The following ZFHX3 variants were observed in gnomAD, a reference collection of about 807,000 sequenced individuals.
The protein encoded by ZFHX3 is zinc finger homeobox protein 3.
ZFHX3 carries 42 observed loss-of-function variants against 279.1 expected under a neutral mutation model. The ratio of observed to expected loss-of-function variants is 0.15; its 90% CI spans 0.12 to 0.19. The LOEUF is 0.19. Ranked by LOEUF, ZFHX3 falls within the 10% of genes least tolerant of loss-of-function variation. The pLI is 1.00. For missense variants in ZFHX3, 4,981 were observed against 4,754.0 expected (o/e 1.05, Z -1.40); for synonymous variants, 2,293 against 1,957.8 (o/e 1.17, Z -4.52).
intron 1 of ZFHX3, among the ~76,000 whole-genome samples, chr16:73,007,115 A>C (rs781233955): frequency 5.9e-5 from 9 of 152,236 alleles, no homozygotes; most frequent in Non-Finnish European, 1.2e-4. Flanking sequence ...AAGAGAAGAC[A>C]TTCTGATATT....
chr16:73,241,738 C>A (rs1234390613), intron 5 of ZFHX3, among the ~76,000 whole-genome samples: 1 of 125,398 alleles, frequency 8.0e-6, no homozygotes, highest in Non-Finnish European at 1.5e-5. Flanking sequence ...TGCGGTGAAG[C>A]AAGATCGTGC....
intron 1 of ZFHX3, among the ~76,000 whole-genome samples, chr16:73,718,850 G>A (rs1356335418): frequency 6.6e-6 from 1 of 151,968 alleles, no homozygotes; most frequent in Non-Finnish European, 1.5e-5. Flanking sequence ...TCCTGACCTC[G>A]TGATCTGCCC....
chr16:73,052,484 C>A (rs1299659183), upstream of ZFHX3, among the ~76,000 whole-genome samples: 1 of 152,072 alleles, frequency 6.6e-6, no homozygotes, highest in Non-Finnish European at 1.5e-5. Flanking sequence ...ATTTTCCTAT[C>A]TTTTCATTTT....
chr16:73,778,264 C>A (rs1202298444), intron 1 of ZFHX3, among the ~76,000 whole-genome samples: 135 of 60,364 alleles, frequency 2.2e-3, no homozygotes, highest in African/African-American at 4.2e-3. Flanking sequence ...AAAAAAAAAG[C>A]ATTGGACTTC....
chr16:73,318,945 C>T (rs765168685), intron 3 of ZFHX3, among the ~76,000 whole-genome samples: 3 of 152,142 alleles, frequency 2.0e-5, no homozygotes, highest in Non-Finnish European at 4.4e-5. Context: ...CCAACTGGCC[C>T]TTCTTGCTTG....
intron 3 of ZFHX3, among the ~76,000 whole-genome samples, chr16:73,385,244 A>G (rs562912463): frequency 2.6e-5 from 4 of 152,312 alleles, no homozygotes; most frequent in African/African-American, 9.6e-5. Flanking sequence ...TCTGCCATTT[A>G]GAGTTCCAAT....
At chr16:73,375,418 A>C (rs1325432060) in intron 3 of ZFHX3, among the ~76,000 whole-genome samples, 1 of 152,172 alleles carries the variant, frequency 6.6e-6, no homozygotes, top group Non-Finnish European at 1.5e-5. Context: ...TTTTAGTGAG[A>C]AGCAGTATTT....
intron 8 of ZFHX3, 75 bp from the exon 9 acceptor site, chr16:72,798,789 T>A: frequency 6.7e-7 from 1 of 1,489,250 alleles, no homozygotes; most frequent in Admixed American, 2.4e-5. Flanking sequence ...CAGAGCGGTC[T>A]ACCTAGTCAG....
At chr16:72,878,480 C>T (rs2038376465) in intron 4 of ZFHX3, among the ~76,000 whole-genome samples, 1 of 152,220 alleles carries the variant, frequency 6.6e-6, no homozygotes, top group Admixed American at 6.5e-5. Flanking sequence ...AAGGAAGTCA[C>T]AAAGGGCTTT....
chr16:73,675,665 A>C (rs1034098394), intron 2 of ZFHX3, among the ~76,000 whole-genome samples: 1 of 152,170 alleles, frequency 6.6e-6, no homozygotes, highest in African/African-American at 2.4e-5. Flanking sequence ...AACAGATGAA[A>C]ATACTTATCA....
rs190100998 is a variant in ZFHX3 at position 73,374,984 on chromosome 16, G to C, written c.-1290-56648C>G. Among the ~76,000 whole-genome samples the C allele has an allele frequency of 4.5e-3, 690 of 152,306 alleles. 7 individuals carry two copies. Among genetic ancestry groups the C allele is most frequent in the Non-Finnish European group, 4.5e-3 (305 of 68,030 alleles). ...TTGATCTCTTTTCTTGATGTGAATA[G>C]TTATTTATAATAATTGCTTACATCC... is the stretch of plus-strand genomic sequence containing the variant. On this transcript the variant is annotated intron_variant, in intron 3 of 17. Transcript: ENST00000641206.
rs1462848866 is a variant in ZFHX3, at chr16:72,798,460, G to A, written c.4222C>T (p.Leu1408=). Residue 1408 remains leucine, a synonymous_variant, in exon 9 of 10, where the codon CTG becomes TTG. Coordinates refer to ENST00000268489, the MANE Select transcript of ZFHX3 (RefSeq NM_006885.4). Reference sequence around the variant, plus strand: ...AACTTTTCAATGGTCTTGAAGGCCAGGCTACACTGATTACAGCGGTACTTG... The same window carrying A: ...AACTTTTCAATGGTCTTGAAGGCCAAGCTACACTGATTACAGCGGTACTTG... ...VYKYRCNQCS[L]AFKTIEKLQL... is the part of the protein sequence containing the mutation. 2 of 1,614,244 alleles carry A rather than the reference G, an allele frequency of 1.2e-6. No individual in the cohort carries two copies. Among genetic ancestry groups the A allele is most frequent in the Admixed American group, 1.7e-5 (1 of 60,030 alleles).
chr16:72,929,238 C>CT (rs1317878081), intron 3 of ZFHX3, among the ~76,000 whole-genome samples: 1 of 139,546 alleles, frequency 7.2e-6, no homozygotes, highest in African/African-American at 2.7e-5. Flanking sequence ...CAGACCCTGT[C>CT]TAAAAAAAAA....
At chr16:73,317,048 G>A (rs181231194) in intron 4 of ZFHX3, among the ~76,000 whole-genome samples, 74 of 152,232 alleles carry the variant, frequency 4.9e-4, no homozygotes, top group African/African-American at 1.6e-3. Flanking sequence ...CAGGAGACGT[G>A]AGATGGGCAG....
chr16:73,325,904 C>A (rs879895044), intron 3 of ZFHX3, among the ~76,000 whole-genome samples: 2 of 97,380 alleles, frequency 2.1e-5, no homozygotes, highest in Non-Finnish European at 4.7e-5. Context: ...CACACACAAA[C>A]ACACACACAC....
At chr16:73,402,363 C>A (rs1321053752) in intron 3 of ZFHX3, 3 of 152,216 alleles carry the variant, frequency 2.0e-5, no homozygotes, top group African/African-American at 7.2e-5. Context: ...TGAAGGGCAA[C>A]TTGGTAGTTG....
At chr16:72,842,211 T>G (rs976859575) in intron 4 of ZFHX3, among the ~76,000 whole-genome samples, 8 of 139,320 alleles carry the variant, frequency 5.7e-5, no homozygotes, top group South Asian at 2.1e-4. Flanking sequence ...TGTTTTTTTG[T>G]TTTTTTTTTC....
chr16:73,723,243 TAG>T (rs2142240299), intron 1 of ZFHX3, among the ~76,000 whole-genome samples: 1 of 152,238 alleles, frequency 6.6e-6, no homozygotes, highest in South Asian at 2.1e-4. Flanking sequence ...GTATTATGTG[TAG>T]AGAGTTTAGT....
chr16:73,690,319 G>A (rs2053136087), intron 1 of ZFHX3, among the ~76,000 whole-genome samples: 1 of 152,162 alleles, frequency 6.6e-6, no homozygotes, highest in Admixed American at 6.5e-5. Context: ...ATGCATTCAG[G>A]CTTCTGTGAT....
Sources: gnomAD v4.1 joint callset for allele counts (sites outside exome capture counted in the v4.1 genomes callset) on GRCh38, gnomAD v4.1.1 for gene constraint, MANE v1.5 for transcripts, NCBI Gene and HGNC (gene_info 2026-07-23, HGNC 2026-07-21) for gene names.